Variants in FANCI observed in about 807,000 individuals in gnomAD.
FANCI encodes the protein Fanconi anemia group I protein.
FANCI carries 156 observed loss-of-function variants against 176.1 expected under a neutral mutation model. That is an observed-to-expected ratio of 0.89 (90% CI 0.78 to 1.01). FANCI has a LOEUF of 1.01. Ranked by LOEUF, FANCI falls within the 50% of genes least tolerant of loss-of-function variation. FANCI has a pLI of 0.00. For synonymous variants in FANCI, 613 were observed against 541.7 expected, an observed-to-expected ratio of 1.13 and a Z score of -1.83; for missense variants, 1,678 against 1,534.1, an observed-to-expected ratio of 1.09 and a Z score of -1.57.
At chr15:89,280,830 T>G (rs17804034) in intron 14 of FANCI, among the ~76,000 whole-genome samples, 59,516 of 152,010 alleles carry the variant, frequency 0.39, 11,724 homozygotes, top group South Asian at 0.4. Flanking sequence ...ATATTACGCT[T>G]GTGCATAGTA....
chr15:89,266,165 G>GTTT lies in FANCI; in HGVS notation c.755+1574_755+1576dup, dbSNP rs34065435. On this transcript the variant is annotated intron_variant, in intron 9 of 37. Coordinates refer to ENST00000310775, the MANE Select transcript of FANCI (RefSeq NM_001113378.2). ...GCACGTGACACCAAGCCTGGCTACT[G>GTTT]TTTTTTTTTTTTTTTTTTGAGATGG... 5.3e-3 allele frequency among the ~76,000 whole-genome samples: 583 copies of GTTT among 109,748 alleles called. 20 individuals carry two copies. The highest frequency in any genetic ancestry group is 0.018 in the African/African-American group (507 of 28,696). The allele number at this position is 109,748 out of a possible 152,430, so 72.0% of individuals were successfully genotyped here.
intron 10 of FANCI, among the ~76,000 whole-genome samples, chr15:89,271,781 G>C (rs1161049239): frequency 6.6e-6 from 1 of 152,132 alleles, no homozygotes; most frequent in Non-Finnish European, 1.5e-5. Context: ...TACCATATCA[G>C]GCTCATTTCT....
At chr15:89,292,580 A>G (rs2054109594) in intron 20 of FANCI, 108 bp from the exon 21 acceptor site, 1 of 1,118,158 alleles carries the variant, frequency 8.9e-7, no homozygotes, top group Admixed American at 1.9e-5. Flanking sequence ...ACGCCAATGA[A>G]TCATTTTCTT....
At chr15:89,310,450 C>T (rs2054909606) in intron 34 of FANCI, among the ~76,000 whole-genome samples, 1 of 152,232 alleles carries the variant, frequency 6.6e-6, no homozygotes, top group Non-Finnish European at 1.5e-5. Context: ...ACTACTACTT[C>T]CTAGACTGCT....
At chr15:89,294,470 G>A (rs1030441540) in intron 23 of FANCI, among the ~76,000 whole-genome samples, 1 of 151,880 alleles carries the variant, frequency 6.6e-6, no homozygotes, top group African/African-American at 2.4e-5. Context: ...CTGTAGTCCC[G>A]GCTACTTGGG....
At chr15:89,307,910 A>G (rs2054790129) in intron 34 of FANCI, 1 of 1,394,490 alleles carries the variant, frequency 7.2e-7, no homozygotes, top group African/African-American at 1.5e-5. Context: ...TTGCATTTGG[A>G]GCAAGGAAGG....
In FANCI at chr15:89,260,742, C is replaced by T; in HGVS notation, c.187C>T (p.Leu63Phe). Residue 63 changes from leucine (L) to phenylalanine (F), a missense_variant, in exon 4 of 38, where the codon CTT (leucine) becomes TTT (phenylalanine). Physicochemically the swap from Leu to Phe is conservative, Grantham distance 22. Coordinates refer to ENST00000310775, the MANE Select transcript of FANCI (RefSeq NM_001113378.2). ...GSPCSEEAGTLRRRKIYTCCI... is the reference protein window; with the variant it reads ...GSPCSEEAGTFRRRKIYTCCI... ...CCCCTGCTCTGAGGAAGCTGGAACA[C>T]TTAGGAGACGTAAGATATACACTTG... is the stretch of plus-strand genomic sequence containing the variant. 2 of 1,613,946 alleles carry T rather than the reference C, an allele frequency of 1.2e-6. No individual in the cohort carries two copies. The highest frequency in any genetic ancestry group is 1.7e-6 in the Non-Finnish European group (2 of 1,179,916).
intron 19 of FANCI, among the ~76,000 whole-genome samples, chr15:89,290,827 C>T (rs537035569): frequency 2.6e-4 from 40 of 152,228 alleles, no homozygotes; most frequent in African/African-American, 9.6e-4. Context: ...AATGCCATTG[C>T]TTTGTGATAG....
Position 89,310,890 on chromosome 15 carries a change from C to T in FANCI, c.3652-2014C>T, listed in dbSNP as rs992976482. ...CTGTAATCCCAGCACTTTGGGAGGC[C>T]GAGGTGGGAGAATCACAAGGTCTGG... On this transcript the variant is annotated intron_variant, in intron 34 of 37. Coordinates refer to ENST00000310775, the MANE Select transcript of FANCI (RefSeq NM_001113378.2). Among the ~76,000 whole-genome samples the T allele has an allele frequency of 4.6e-5, 7 of 151,730 alleles. No individual in the cohort carries two copies. The East Asian group carries it at 1.2e-3, about 25-fold the overall frequency.
At chr15:89,246,958 C>A (rs146669762) in intron 1 of FANCI, among the ~76,000 whole-genome samples, 1,982 of 151,280 alleles carry the variant, frequency 0.013, 39 homozygotes, top group African/African-American at 0.045. Context: ...TTGGTAGAGA[C>A]GGGGGTTTCA....
rs760159827 is a variant in FANCI, at chr15:89,290,270, C to T, written c.1879C>T (p.Leu627=). ...GCTGGCTAATTCAGTCATGCAAACT[C>T]TGCTCTCACAGGTAAAATACATTTT... ...SQLANSVMQT[L]LSQLKQFYEP... The change falls in exon 19 of 38, where the codon CTG becomes TTG. Residue 627 remains leucine, a synonymous_variant. Coordinates refer to ENST00000310775, the MANE Select transcript of FANCI (RefSeq NM_001113378.2). 6.2e-7 allele frequency: 1 copy of T among 1,613,116 alleles called. No homozygotes were observed. Among genetic ancestry groups the T allele is most frequent in the Non-Finnish European group, 8.5e-7 (1 of 1,179,088 alleles).
chr15:89,304,131 A>G (rs1368893144), intron 28 of FANCI, among the ~76,000 whole-genome samples: 1 of 152,218 alleles, frequency 6.6e-6, no homozygotes, highest in African/African-American at 2.4e-5. Context: ...TATAACCACT[A>G]TGGAAAACTG....
intron 18 of FANCI, among the ~76,000 whole-genome samples, chr15:89,288,415 GA>G: frequency 6.6e-6 from 1 of 152,162 alleles, no homozygotes; most frequent in African/African-American, 2.4e-5. Context: ...AAACCTATTA[GA>G]ATATTGCTGT....
At position 89,283,146 on chromosome 15, in the gene FANCI, G is replaced by T. The variant is rs904883646; in HGVS notation, c.1594G>T (p.Ala532Ser). 10 of 1,614,150 alleles carry T rather than the reference G, an allele frequency of 6.2e-6. No individual in the cohort carries two copies. The highest frequency in any genetic ancestry group is 8.5e-6 in the Non-Finnish European group (10 of 1,180,022). Residue 532 changes from alanine to serine, a missense_variant, in exon 17 of 38, where the codon GCC (alanine) becomes TCC (serine). By Grantham distance (99) the Ala-to-Ser change is moderately conservative. This residue lies in a region of FANCI where 1,204 missense variants were observed against 1,077.4 expected (regional missense o/e 1.12). Transcript: ENST00000310775. Reference sequence around the variant, plus strand: ...CTATTTCTGAGCTAGCCAGCTTGATGCCCGAAAATCTGCAGTTGCTGGGTT... The same window carrying T: ...CTATTTCTGAGCTAGCCAGCTTGATTCCCGAAAATCTGCAGTTGCTGGGTT... ...RKAMFANQLD[A>S]RKSAVAGFLL...
chr15:89,315,803 C>T (rs1478299961), intron 37 of FANCI, among the ~76,000 whole-genome samples: 1 of 152,158 alleles, frequency 6.6e-6, no homozygotes, highest in Non-Finnish European at 1.5e-5. Flanking sequence ...TTGTCCTTTT[C>T]CCTTGTGGTT....
chr15:89,296,891 C>T (rs1331981761), intron 24 of FANCI, among the ~76,000 whole-genome samples: 2 of 145,820 alleles, frequency 1.4e-5, no homozygotes, highest in Non-Finnish European at 3.1e-5. Context: ...CCTCACCTCC[C>T]GGACGGGGCG....
rs145539758 is a variant in FANCI at position 89,250,853 on chromosome 15, A to G, written c.84+3122A>G. Reference sequence around the variant, plus strand: ...GAATAATGTTAAAAACAAGTGTTTAACAAATGAAATAATGAAATCAATACA... The same window carrying G: ...GAATAATGTTAAAAACAAGTGTTTAGCAAATGAAATAATGAAATCAATACA... On this transcript the variant is annotated intron_variant, in intron 2 of 37. Coordinates refer to ENST00000310775, the MANE Select transcript of FANCI (RefSeq NM_001113378.2). Among the ~76,000 whole-genome samples the G allele has an allele frequency of 4.5e-4, 68 of 151,900 alleles. No homozygotes were observed. In the East Asian group the frequency reaches 7.9e-3, roughly 18 times the overall value.
chr15:89,273,333 A>T, intron 10 of FANCI, 44 bp from the exon 11 acceptor site: 4 of 963,176 alleles, frequency 4.2e-6, no homozygotes, highest in Non-Finnish European at 6.5e-6. Context: ...AAAAGAAAAA[A>T]GAAAATGTAA....
intron 12 of FANCI, among the ~76,000 whole-genome samples, chr15:89,274,599 CTT>C (rs1157910630): frequency 6.0e-3 from 493 of 82,722 alleles, no homozygotes; most frequent in Middle Eastern, 0.014. Flanking sequence ...TCTTTCTTTC[CTT>C]TTTTTTTTTT....
Sources: gnomAD v4.1 joint callset for allele counts (sites outside exome capture counted in the v4.1 genomes callset) on GRCh38, gnomAD v4.1.1 for gene constraint, gnomAD v4.1.1 regional missense constraint, MANE v1.5 for transcripts, NCBI Gene and HGNC (gene_info 2026-07-23, HGNC 2026-07-21) for gene names.